Variants in MERTK observed in about 807,000 individuals in gnomAD.
The protein encoded by MERTK is tyrosine-protein kinase Mer.
Under a neutral mutation model 99.3 loss-of-function variants are expected in MERTK, and 69 were observed. That is an observed-to-expected ratio of 0.70 (90% CI 0.57 to 0.85). MERTK has a LOEUF of 0.85. Ranked by LOEUF, MERTK falls within the 40% of genes least tolerant of loss-of-function variation. The pLI, the probability that MERTK is intolerant of heterozygous loss-of-function variation, is 0.00. For missense variants in MERTK, 1,125 were observed against 1,249.4 expected, an observed-to-expected ratio of 0.90 and a Z score of 1.50; for synonymous variants, 426 against 467.6, an observed-to-expected ratio of 0.91 and a Z score of 1.15.
At chr2:111,899,562 G>C in intron 1 of MERTK, among the ~76,000 whole-genome samples, 1 of 152,004 alleles carries the variant, frequency 6.6e-6, no homozygotes, top group Non-Finnish European at 1.5e-5. Flanking sequence ...CTGTCGCCCA[G>C]GCTGGAGTGC....
intron 2 of MERTK, among the ~76,000 whole-genome samples, chr2:111,935,638 C>T (rs1295076347): frequency 2.1e-5 from 3 of 139,844 alleles, no homozygotes; most frequent in Non-Finnish European, 4.6e-5. Flanking sequence ...GGTCTTGGCT[C>T]GTGTGTGTGT....
chr2:112,014,839 A>G lies in MERTK; in HGVS notation c.2080-4574A>G, dbSNP rs1025424041. 5.9e-5 allele frequency among the ~76,000 whole-genome samples: 9 copies of G among 151,994 alleles called. No individual in the cohort carries two copies. The East Asian group carries it at 7.8e-4, about 13-fold the overall frequency. On this transcript the variant is annotated intron_variant, in intron 15 of 18. Transcript: ENST00000295408. ...TTTGTACTAGAGACGGGGTTTCACC[A>G]TGTTGGTCAGGCTGGTCTCAAACTT...
chr2:111,905,967 A>G (rs1225269953), intron 1 of MERTK, among the ~76,000 whole-genome samples: 5 of 152,226 alleles, frequency 3.3e-5, no homozygotes, highest in African/African-American at 4.8e-5. Context: ...ACCAAAAGCT[A>G]AGAACATTTA....
At position 111,947,418 on chromosome 2, in the gene MERTK, C is replaced by T. The variant is rs759512756; in HGVS notation, c.608C>T (p.Pro203Leu). The change falls in exon 4 of 19, where the codon CCT becomes CTT. Residue 203 changes from proline to leucine, a missense_variant. Coordinates refer to ENST00000295408, the MANE Select transcript of MERTK (RefSeq NM_006343.3). ...GGACTTCCTCACTTTACTAAGCAGC[C>T]TGAGAGCATGAATGTCACCAGAAAC... ...VQGLPHFTKQ[P>L]ESMNVTRNTA... The T allele has an allele frequency of 2.2e-5, 35 of 1,614,004 alleles. No individual in the cohort carries two copies. Among genetic ancestry groups the T allele is most frequent in the Non-Finnish European group, 2.8e-5 (33 of 1,180,028 alleles).
chr2:111,914,856 T>C (rs948506461), intron 1 of MERTK, among the ~76,000 whole-genome samples: 1 of 152,198 alleles, frequency 6.6e-6, no homozygotes, highest in African/African-American at 2.4e-5. Flanking sequence ...GATCTGTTTT[T>C]TCTGTATTTT....
chr2:112,010,032 A>T lies in MERTK; in HGVS notation c.2045A>T (p.Tyr682Phe). Residue 682 changes from tyrosine (Y) to phenylalanine (F), a missense_variant, in exon 15 of 19, where the codon TAC becomes TTC. Coordinates refer to ENST00000295408, the MANE Select transcript of MERTK (RefSeq NM_006343.3). ...PFMKYGDLHTYLLYSRLETGP... is the reference protein window; with the variant it reads ...PFMKYGDLHTFLLYSRLETGP... ...ATGAAATACGGGGACCTGCATACTT[A>T]CTTACTTTATTCCCGATTGGAGACA... is the stretch of plus-strand genomic sequence containing the variant. 6.2e-7 allele frequency: 1 copy of T among 1,613,672 alleles called. No individual in the cohort carries two copies. The highest frequency in any genetic ancestry group is 8.5e-7 in the Non-Finnish European group (1 of 1,179,620).
chr2:111,999,282 T>C (rs1277616185), intron 10 of MERTK, among the ~76,000 whole-genome samples: 2 of 152,184 alleles, frequency 1.3e-5, no homozygotes, highest in African/African-American at 4.8e-5. Context: ...TAAAATAGAC[T>C]TCATTTTTTA....
chr2:111,944,005 A>G (rs1272774269), intron 2 of MERTK, among the ~76,000 whole-genome samples: 2 of 152,090 alleles, frequency 1.3e-5, no homozygotes, highest in African/African-American at 4.8e-5. Flanking sequence ...TACCATAGAA[A>G]TCAAGACAGG....
At chr2:111,925,292 ATTT>A (rs11433691) in intron 1 of MERTK, among the ~76,000 whole-genome samples, 16 of 24,486 alleles carry the variant, frequency 6.5e-4, no homozygotes, top group Non-Finnish European at 8.7e-4. Flanking sequence ...ATATATATAT[ATTT>A]TTTTTTTTTT....
chr2:111,949,427 A>T (rs187481734), intron 4 of MERTK, among the ~76,000 whole-genome samples: 23 of 152,280 alleles, frequency 1.5e-4, no homozygotes, highest in African/African-American at 5.5e-4. Context: ...TCACTTTTCT[A>T]ACCCGTGACT....
chr2:112,009,794 A>C (rs537178755), intron 14 of MERTK, 154 bp from the exon 15 acceptor site: 30 of 701,620 alleles, frequency 4.3e-5, no homozygotes, highest in African/African-American at 4.2e-4. Context: ...TGTGTGTTCC[A>C]TTTTCTAGAA....
At chr2:111,934,533 CT>C (rs1332711478) in intron 2 of MERTK, among the ~76,000 whole-genome samples, 1 of 152,086 alleles carries the variant, frequency 6.6e-6, no homozygotes, top group Non-Finnish European at 1.5e-5. Context: ...TGAGAAGTGT[CT>C]GTTCATATCC....
chr2:112,022,401 G>T lies in MERTK; in HGVS notation c.2486+7G>T. 1.2e-6 allele frequency: 2 copies of T among 1,614,224 alleles called. No homozygotes were observed. Among genetic ancestry groups the T allele is most frequent in the Non-Finnish European group, 1.7e-6 (2 of 1,180,048 alleles). ...AAGACTGCCTGGATGAACTGTGAGTGGGCTTCTCTGTCTCCCTTCCATACT... is the reference window on the plus strand; with the variant it reads ...AAGACTGCCTGGATGAACTGTGAGTTGGCTTCTCTGTCTCCCTTCCATACT... On this transcript the variant is annotated splice_region_variant and intron_variant, in intron 18 of 18. Transcript: ENST00000295408.
chr2:111,903,431 A>G (rs1050353360), intron 1 of MERTK, among the ~76,000 whole-genome samples: 27 of 152,200 alleles, frequency 1.8e-4, no homozygotes, highest in Admixed American at 2.6e-4. Flanking sequence ...GGCTGTATTA[A>G]CCCCAAACAT....
intron 8 of MERTK, 122 bp from the exon 9 acceptor site, chr2:111,994,129 G>A: frequency 9.1e-7 from 1 of 1,101,468 alleles, no homozygotes; most frequent in African/African-American, 1.5e-5. Context: ...GGAATGCTGT[G>A]GAAGTGTGGC....
At position 112,012,818 on chromosome 2, in the gene MERTK, G is replaced by A. The variant is rs372185663; in HGVS notation, c.2079+2752G>A. 5.3e-5 allele frequency among the ~76,000 whole-genome samples: 8 copies of A among 152,224 alleles called. No individual in the cohort carries two copies. In the East Asian group the frequency reaches 9.7e-4, roughly 18 times the overall value. On this transcript the variant is annotated intron_variant, in intron 15 of 18. Transcript: ENST00000295408. ...ACTGAGGGCCTTCATGGGGGAAGTC[G>A]GCTTAGAAAAACACTAGTCCTCATC...
At chr2:111,925,249 T>C (rs1194044823) in intron 1 of MERTK, among the ~76,000 whole-genome samples, 3 of 141,514 alleles carry the variant, frequency 2.1e-5, no homozygotes, top group East Asian at 4.0e-4. Context: ...TCTATCAACT[T>C]CTGGTAAATC....
At chr2:112,000,114 G>A (rs1011252898) in intron 10 of MERTK, among the ~76,000 whole-genome samples, 5 of 152,172 alleles carry the variant, frequency 3.3e-5, no homozygotes, top group Admixed American at 3.3e-4. Context: ...CACAATGGTG[G>A]AATGTCATCA....
Position 111,995,676 on chromosome 2 carries a change from G to A in MERTK, c.1450+1272G>A, listed in dbSNP as rs1042291886. On this transcript the variant is annotated intron_variant, in intron 9 of 18. Transcript: ENST00000295408. ...AATGACCCTGAGATTCTGGCTGGAC[G>A]CAGTGACTCACGCCTGTAATTCCAA... Among the ~76,000 whole-genome samples the A allele has an allele frequency of 9.2e-5, 14 of 152,300 alleles. 1 individual carries two copies. Among genetic ancestry groups the A allele is most frequent in the African/African-American group, 3.1e-4 (13 of 41,564 alleles).
Sources: gnomAD v4.1 joint callset for allele counts (sites outside exome capture counted in the v4.1 genomes callset) on GRCh38, gnomAD v4.1.1 for gene constraint, MANE v1.5 for transcripts, NCBI Gene and HGNC (gene_info 2026-07-23, HGNC 2026-07-21) for gene names.